The following FOXP2 variants were observed in gnomAD, a reference collection of about 807,000 sequenced individuals.
The protein encoded by FOXP2 is forkhead box protein P2.
FOXP2 carries 12 observed loss-of-function variants against 115.8 expected under a neutral mutation model. That is an observed-to-expected ratio of 0.10 (90% CI 0.07 to 0.17). The LOEUF (loss-of-function observed/expected upper bound fraction) is 0.17, where lower values mean the gene tolerates loss of function less well. FOXP2 is among the 10% of genes least tolerant of loss of function. The pLI is 1.00. For missense variants in FOXP2, 629 were observed against 843.5 expected (o/e 0.75, Z 3.15); for synonymous variants, 328 against 297.7 (o/e 1.10, Z -1.05).
chr7:114,116,712 G>C (rs1791417250), intron 1 of FOXP2, among the ~76,000 whole-genome samples: 1 of 152,066 alleles, frequency 6.6e-6, no homozygotes, highest in South Asian at 2.1e-4. Flanking sequence ...AACTATATGG[G>C]ATTAAAAACG....
intron 3 of FOXP2, among the ~76,000 whole-genome samples, chr7:114,559,181 A>G (rs1800620433): frequency 6.6e-6 from 1 of 152,162 alleles, no homozygotes; most frequent in African/African-American, 2.4e-5. Context: ...AAAATATAAT[A>G]ACTATATCAC....
chr7:114,506,670 A>C lies in FOXP2; in HGVS notation c.169-27947A>C, dbSNP rs189802435. Among the ~76,000 whole-genome samples the C allele has an allele frequency of 1.4e-3, 207 of 151,814 alleles. 2 individuals are homozygous for C. Among genetic ancestry groups the C allele is most frequent in the African/African-American group, 4.2e-3 (174 of 41,494 alleles). On this transcript the variant is annotated intron_variant, in intron 2 of 16. Coordinates refer to ENST00000350908, the MANE Select transcript of FOXP2 (RefSeq NM_014491.4). ...TTCTTGAAGATGTTTAAATGTCAGC[A>C]TCAAAGGTTATACCAAATATTTCAC...
intron 5 of FOXP2, 97 bp downstream of exon 5, chr7:114,630,102 T>TCAAAGCAGTATATAATAC: frequency 6.3e-7 from 1 of 1,593,894 alleles, no homozygotes; most frequent in Non-Finnish European, 8.5e-7. Context: ...AACAAGGCTC[T>TCAAAGCAGTATATAATAC]TGCTGTCAAA....
At chr7:114,234,953 T>A (rs1305187619) in intron 1 of FOXP2, among the ~76,000 whole-genome samples, 1 of 152,210 alleles carries the variant, frequency 6.6e-6, no homozygotes, top group East Asian at 1.9e-4. Flanking sequence ...TCCATAATCT[T>A]GAGGTTAGGT....
At chr7:114,114,388 A>G (rs1364046690) in intron 1 of FOXP2, among the ~76,000 whole-genome samples, 1 of 152,016 alleles carries the variant, frequency 6.6e-6, no homozygotes, top group Non-Finnish European at 1.5e-5. Flanking sequence ...TGAGTGATAC[A>G]GGGGCTAGAT....
chr7:114,656,496 T>G, intron 10 of FOXP2: 1 of 454,196 alleles, frequency 2.2e-6, no homozygotes, highest in Non-Finnish European at 4.4e-6. Flanking sequence ...TCTCAAACTA[T>G]GCAGAGGTGC....
chr7:114,288,262 G>A (rs1025826062), intron 2 of FOXP2, among the ~76,000 whole-genome samples: 3 of 151,830 alleles, frequency 2.0e-5, no homozygotes, highest in African/African-American at 7.2e-5. Context: ...TGTTAAGTGT[G>A]GCAGTAGAAA....
In FOXP2 at chr7:114,553,567, A is replaced by G. The variant is rs893635346; in HGVS notation, c.258+18861A>G. ...TCTATAACTTCATTTTCTTTTCACA[A>G]TAGAAGATTAAAGAGAGACAGTTTT... On this transcript the variant is annotated intron_variant, in intron 3 of 16. Coordinates refer to ENST00000350908, the MANE Select transcript of FOXP2 (RefSeq NM_014491.4). Among the ~76,000 whole-genome samples, 20 of 152,126 alleles carry G rather than the reference A, an allele frequency of 1.3e-4. 1 individual carries two copies. Among genetic ancestry groups the G allele is most frequent in the Non-Finnish European group, 1.5e-5 (1 of 67,980 alleles).
At chr7:114,274,569 A>G (rs1796137829) in intron 1 of FOXP2, among the ~76,000 whole-genome samples, 1 of 103,608 alleles carries the variant, frequency 9.7e-6, no homozygotes, top group Non-Finnish European at 2.0e-5. Context: ...TTCACAGGGT[A>G]TGGAATTCTG....
At chr7:114,428,229 CAGT>C (rs1793955080) in intron 2 of FOXP2, among the ~76,000 whole-genome samples, 1 of 151,498 alleles carries the variant, frequency 6.6e-6, no homozygotes, top group South Asian at 2.1e-4. Context: ...AGTTGAGTAT[CAGT>C]AGATGATAGG....
At chr7:114,466,981 A>T (rs1795827351) in intron 2 of FOXP2, among the ~76,000 whole-genome samples, 1 of 152,234 alleles carries the variant, frequency 6.6e-6, no homozygotes, top group South Asian at 2.1e-4. Flanking sequence ...TGTTCAAAGC[A>T]TAGAAAGTCT....
chr7:114,412,670 G>A (rs918598931), upstream of FOXP2, among the ~76,000 whole-genome samples: 8 of 152,142 alleles, frequency 5.3e-5, no homozygotes, highest in African/African-American at 1.2e-4. Flanking sequence ...AGCTTTGTGC[G>A]GGAGGCACCT....
chr7:114,391,375 A>G (rs1792596144), intron 2 of FOXP2, among the ~76,000 whole-genome samples: 1 of 152,238 alleles, frequency 6.6e-6, no homozygotes, highest in African/African-American at 2.4e-5. Context: ...TTCCTGGTTT[A>G]AAATTTTTTC....
intron 16 of FOXP2, among the ~76,000 whole-genome samples, chr7:114,677,543 T>A (rs538930347): frequency 1.3e-5 from 2 of 152,252 alleles, no homozygotes; most frequent in Non-Finnish European, 2.9e-5. Context: ...GGGAATACAC[T>A]GTGTGACCAC....
At chr7:114,262,178 CT>C (rs1376879779) in intron 1 of FOXP2, among the ~76,000 whole-genome samples, 4 of 152,124 alleles carry the variant, frequency 2.6e-5, no homozygotes, top group African/African-American at 9.7e-5. Context: ...AATCCAAGCA[CT>C]TTGGGAGGTC....
intron 1 of FOXP2, among the ~76,000 whole-genome samples, chr7:114,283,629 A>C (rs974617637): frequency 2.0e-5 from 3 of 152,156 alleles, no homozygotes; most frequent in Non-Finnish European, 4.4e-5. Context: ...TCTCTTTTCT[A>C]TAAATAAATT....
intron 3 of FOXP2, among the ~76,000 whole-genome samples, chr7:114,593,627 T>C (rs991051199): frequency 3.3e-5 from 5 of 152,084 alleles, no homozygotes; most frequent in African/African-American, 1.2e-4. Context: ...ATATGTATTT[T>C]AAATCTTCAC....
chr7:114,523,910 A>G (rs531680712), intron 2 of FOXP2, among the ~76,000 whole-genome samples: 1 of 152,286 alleles, frequency 6.6e-6, no homozygotes, highest in African/African-American at 2.4e-5. Context: ...TAGTATATTT[A>G]TGTTTAAGTG....
At chr7:114,119,775 T>G (rs1791508921) in intron 1 of FOXP2, among the ~76,000 whole-genome samples, 1 of 152,116 alleles carries the variant, frequency 6.6e-6, no homozygotes, top group Non-Finnish European at 1.5e-5. Flanking sequence ...TAAAATACAG[T>G]TGGTAAATTA....
Sources: allele counts gnomAD v4.1 joint callset (sites outside exome capture counted in the v4.1 genomes callset), GRCh38; gene constraint gnomAD v4.1.1; transcripts MANE v1.5; gene names NCBI Gene and HGNC (gene_info 2026-07-23, HGNC 2026-07-21).